The following ATP23 variants were observed in gnomAD, a reference collection of about 807,000 sequenced individuals.
ATP23 encodes ATP23 metallopeptidase and ATP synthase assembly factor homolog.
Under a neutral mutation model 28.5 loss-of-function variants are expected in ATP23, and 24 were observed. The ratio of observed to expected loss-of-function variants is 0.84; its 90% CI spans 0.61 to 1.18. The LOEUF (loss-of-function observed/expected upper bound fraction) is 1.18. Among genes scored for constraint, ATP23 ranks in the 50% most tolerant of loss-of-function variants. The pLI, the probability that ATP23 is intolerant of heterozygous loss-of-function variation, is 0.00. For missense variants in ATP23, 274 were observed against 306.4 expected, an observed-to-expected ratio of 0.89 and a Z score of 0.79; for synonymous variants, 99 against 108.6, an observed-to-expected ratio of 0.91 and a Z score of 0.55.
chr12:57,956,230 C>T (rs552375995), intron 5 of ATP23, among the ~76,000 whole-genome samples: 1 of 152,220 alleles, frequency 6.6e-6, no homozygotes, highest in Non-Finnish European at 1.5e-5. Context: ...CCAGAGAGGA[C>T]TTACCCTTCT....
intron 1 of ATP23, 134 bp from the exon 2 acceptor site, chr12:57,945,494 A>C (rs1029515485): frequency 1.4e-6 from 1 of 708,026 alleles, no homozygotes; most frequent in Admixed American, 2.4e-5. Context: ...AACCTCCTAA[A>C]GTGCTGGGAT....
intron 3 of ATP23, among the ~76,000 whole-genome samples, chr12:57,950,129 G>T (rs1439406378): frequency 6.6e-6 from 1 of 152,138 alleles, no homozygotes; most frequent in Non-Finnish European, 1.5e-5. Context: ...GCCATCTCCT[G>T]CCTATTCTTC....
At chr12:57,943,531 A>T (rs1956728574) in intron 1 of ATP23, among the ~76,000 whole-genome samples, 1 of 152,000 alleles carries the variant, frequency 6.6e-6, no homozygotes, top group African/African-American at 2.4e-5. Flanking sequence ...AATAAAAAAA[A>T]TTAGCTGGAT....
intron 4 of ATP23, among the ~76,000 whole-genome samples, chr12:57,952,106 C>G (rs1956822022): frequency 6.6e-6 from 1 of 151,832 alleles, no homozygotes; most frequent in African/African-American, 2.4e-5. Context: ...TCCTGTAAGT[C>G]CTAGTAATAG....
intron 2 of ATP23, among the ~76,000 whole-genome samples, chr12:57,946,025 C>T (rs34255081): frequency 0.13 from 19,436 of 151,794 alleles, 2,131 homozygotes; most frequent in African/African-American, 0.3. Context: ...GCCACCATGC[C>T]CGGCTAATTT....
rs1291118420 is a variant in ATP23 at position 57,958,114 on chromosome 12, C to A, written c.*1224C>A. On this transcript the variant is annotated 3_prime_UTR_variant, in exon 6 of 6. Coordinates refer to ENST00000300145, the MANE Select transcript of ATP23 (RefSeq NM_033276.4). ...GGTGAGGCCTGTGACTGCCGGCTTT[C>A]CCCTACTTCCCTGACAACCTGCATG... 1.3e-5 allele frequency among the ~76,000 whole-genome samples: 2 copies of A among 152,038 alleles called. No individual in the cohort carries two copies. Among genetic ancestry groups the A allele is most frequent in the African/African-American group, 4.8e-5 (2 of 41,374 alleles).
Position 57,957,520 on chromosome 12 carries a change from C to CA in ATP23, c.*630_*631insA, listed in dbSNP as rs1565879501. Among the ~76,000 whole-genome samples, 1 of 152,108 alleles carries CA rather than the reference C, an allele frequency of 6.6e-6. No individual in the cohort carries two copies. Among genetic ancestry groups the CA allele is most frequent in the Non-Finnish European group, 1.5e-5 (1 of 68,018 alleles). On this transcript the variant is annotated 3_prime_UTR_variant, in exon 6 of 6. Transcript: ENST00000300145. ...GGACCCACAGACCCTCTGAAGGAAG[C>CA]GACTGCTCCTACAGTGCCCAGGAGA... is the stretch of plus-strand genomic sequence containing the variant.
chr12:57,952,798 G>A (rs1956827970), intron 4 of ATP23, among the ~76,000 whole-genome samples: 1 of 152,162 alleles, frequency 6.6e-6, no homozygotes, highest in Non-Finnish European at 1.5e-5. Context: ...TAAGTACTTT[G>A]AGCTCCTCAG....
intron 2 of ATP23, 24 bp from the exon 3 acceptor site, chr12:57,946,971 T>C (rs778831135): frequency 1.9e-6 from 3 of 1,611,774 alleles, no homozygotes; most frequent in Middle Eastern, 3.3e-4. Flanking sequence ...TTTCTGGACA[T>C]TGTCTCCTTT....
intron 3 of ATP23, among the ~76,000 whole-genome samples, chr12:57,949,001 T>G (rs1376357365): frequency 6.6e-6 from 1 of 152,256 alleles, no homozygotes; most frequent in East Asian, 1.9e-4. Context: ...TGTGTACCTC[T>G]CTGGTTTATT....
intron 5 of ATP23, among the ~76,000 whole-genome samples, chr12:57,956,301 A>G (rs534996512): frequency 1.4e-4 from 22 of 152,044 alleles, no homozygotes; most frequent in African/African-American, 5.1e-4. Flanking sequence ...GAAGTGAAGT[A>G]TATTTTAAAT....
rs181432033 is a variant in ATP23 at position 57,941,798 on chromosome 12, G to T, written c.97G>T (p.Ala33Ser). 2 of 1,611,070 alleles carry T rather than the reference G, an allele frequency of 1.2e-6. No homozygotes were observed. The highest frequency in any genetic ancestry group is 2.2e-5 in the East Asian group (1 of 44,752). Residue 33 changes from alanine to serine, a missense_variant, in exon 1 of 6, where the codon GCC becomes TCC. Physicochemically the swap from Ala to Ser is moderately conservative, Grantham distance 99. Coordinates refer to ENST00000300145, the MANE Select transcript of ATP23 (RefSeq NM_033276.4). ...VSCQVFPERL[A>S]QGNPQQGFFS... ...TTGCCAGGTCTTCCCCGAGCGTCTG[G>T]CCCAGGGGAATCCCCAGCAAGGGTT... is the stretch of plus-strand genomic sequence containing the variant.
chr12:57,943,645 C>T (rs1956729815), intron 1 of ATP23, among the ~76,000 whole-genome samples: 1 of 151,696 alleles, frequency 6.6e-6, no homozygotes, highest in East Asian at 1.9e-4. Context: ...TGCATCACTG[C>T]ACTCCAGCCT....
intron 1 of ATP23, among the ~76,000 whole-genome samples, chr12:57,943,277 G>A (rs1351842877): frequency 1.3e-5 from 2 of 152,116 alleles, no homozygotes; most frequent in Admixed American, 6.5e-5. Flanking sequence ...GTTCAAATGC[G>A]GATCCCTTTC....
intron 1 of ATP23, among the ~76,000 whole-genome samples, chr12:57,942,928 A>G (rs1361382049): frequency 2.6e-5 from 4 of 152,194 alleles, no homozygotes; most frequent in Non-Finnish European, 5.9e-5. Context: ...TCTTAAGTTT[A>G]CTTTCAGATA....
Position 57,941,983 on chromosome 12 carries a change from A to C in ATP23, c.187+95A>C, listed in dbSNP as rs947630774. The C allele has an allele frequency of 7.4e-6, 11 of 1,476,662 alleles. No homozygotes were observed. In the African/African-American group the frequency reaches 8.5e-5, roughly 11 times the overall value. The allele number at this position is 1,476,662 out of a possible 1,614,324, so 91.5% of individuals were successfully genotyped here. A position where few individuals can be genotyped will look rare whatever the true frequency, so the allele number is the denominator to read the frequency against. ...TGGGCAACACCTGGCCAGGGGCTTC[A>C]GGTTCAGCACAGAGTCTAGACAGAC... On this transcript the variant is annotated intron_variant, in intron 1 of 5. Coordinates refer to ENST00000300145, the MANE Select transcript of ATP23 (RefSeq NM_033276.4).
chr12:57,946,474 A>T (rs1416429236), intron 2 of ATP23, among the ~76,000 whole-genome samples: 3 of 83,910 alleles, frequency 3.6e-5, no homozygotes, highest in Admixed American at 1.4e-4. Flanking sequence ...TTTTTTTGAG[A>T]CGTAGTTTTG....
chr12:57,953,757 A>T lies in ATP23; in HGVS notation c.537+68A>T, dbSNP rs570514211. 331 of 1,345,994 alleles carry T rather than the reference A, an allele frequency of 2.5e-4. 3 individuals carry two copies. In the South Asian group the frequency reaches 3.9e-3, roughly 16 times the overall value. The allele number at this position is 1,345,994 out of a possible 1,614,324, so 83.4% of individuals were successfully genotyped here. On this transcript the variant is annotated intron_variant, in intron 5 of 5. Transcript: ENST00000300145. Reference sequence around the variant, plus strand: ...AGTGGAAATAATGAATAAAGAAATGAAAAGTACATTCAGTATTTGAAATTT... The same window carrying T: ...AGTGGAAATAATGAATAAAGAAATGTAAAGTACATTCAGTATTTGAAATTT...
Position 57,958,001 on chromosome 12 carries a change from G to A in ATP23, c.*1111G>A, listed in dbSNP as rs1956884514. On this transcript the variant is annotated 3_prime_UTR_variant, in exon 6 of 6. Coordinates refer to ENST00000300145, the MANE Select transcript of ATP23 (RefSeq NM_033276.4). The stretch of plus-strand genomic sequence containing the variant: ...TAGCCTGGGGCAAGTTTTCAAGCCT[G>A]TCTCACCCACCACCTGGAAGCAGAC... 6.6e-6 allele frequency among the ~76,000 whole-genome samples: 1 copy of A among 152,200 alleles called. No individual in the cohort carries two copies. Among genetic ancestry groups the A allele is most frequent in the East Asian group, 1.9e-4 (1 of 5,196 alleles).
Sources: allele counts gnomAD v4.1 joint callset (sites outside exome capture counted in the v4.1 genomes callset), GRCh38; gene constraint gnomAD v4.1.1; transcripts MANE v1.5; gene names NCBI Gene and HGNC (gene_info 2026-07-23, HGNC 2026-07-21).